The following SLC24A3 variants were observed in gnomAD, a reference collection of about 807,000 sequenced individuals.
SLC24A3 encodes solute carrier family 24 member 3.
SLC24A3 carries 28 observed loss-of-function variants against 75.8 expected under a neutral mutation model. The ratio of observed to expected loss-of-function variants is 0.37; its 90% CI spans 0.27 to 0.51. SLC24A3 has a LOEUF of 0.51. Among genes scored for constraint, SLC24A3 ranks in the 20% least tolerant of loss-of-function variants. The pLI is 0.94. For missense variants in SLC24A3, 663 were observed against 847.8 expected (o/e 0.78, Z 2.71); for synonymous variants, 372 against 334.1 (o/e 1.11, Z -1.24).
chr20:19,378,983 C>A (rs1265165659), intron 2 of SLC24A3, among the ~76,000 whole-genome samples: 1 of 151,240 alleles, frequency 6.6e-6, no homozygotes, highest in Non-Finnish European at 1.5e-5. Flanking sequence ...TTTAAAAAGT[C>A]AAGGGAATGT....
intron 3 of SLC24A3, among the ~76,000 whole-genome samples, chr20:19,534,663 C>T (rs971761639): frequency 1.3e-5 from 2 of 152,124 alleles, no homozygotes; most frequent in African/African-American, 2.4e-5. Flanking sequence ...CACCTGCCTC[C>T]CAAAGTACTG....
At position 19,673,512 on chromosome 20, in the gene SLC24A3, C is replaced by T. The variant is rs1367825081; in HGVS notation, c.714-89C>T. The T allele has an allele frequency of 1.5e-5, 17 of 1,123,628 alleles. 1 individual carries two copies. Among genetic ancestry groups the T allele is most frequent in the South Asian group, 1.1e-4 (9 of 79,778 alleles). The allele number at this position is 1,123,628 out of a possible 1,614,324, so 69.6% of individuals were successfully genotyped here. ...TCTGCCTTCTCCTTACTATCCTGGC[C>T]GTTTGCATCAAATATGTCTTTAAAA... is the stretch of plus-strand genomic sequence containing the variant. On this transcript the variant is annotated intron_variant, in intron 8 of 16. Coordinates refer to ENST00000328041, the MANE Select transcript of SLC24A3 (RefSeq NM_020689.4).
chr20:19,223,322 A>G (rs1981782864), intron 1 of SLC24A3, among the ~76,000 whole-genome samples: 1 of 152,198 alleles, frequency 6.6e-6, no homozygotes, highest in Admixed American at 6.5e-5. Flanking sequence ...GAAGTAATAC[A>G]GAGACATCTC....
chr20:19,441,917 A>G (rs1987305490), intron 2 of SLC24A3, among the ~76,000 whole-genome samples: 1 of 152,044 alleles, frequency 6.6e-6, no homozygotes, highest in South Asian at 2.1e-4. Context: ...TTTTTATGTG[A>G]CATTTCTTCC....
intron 1 of SLC24A3, among the ~76,000 whole-genome samples, chr20:19,224,157 GAGTTACACAC>G (rs1981813202): frequency 6.6e-6 from 1 of 151,374 alleles, no homozygotes; most frequent in Non-Finnish European, 1.5e-5. Flanking sequence ...TGAGAGTATT[GAGTTACACAC>G]AGTTTTATCA....
At chr20:19,465,989 T>C (rs1230042757) in intron 2 of SLC24A3, among the ~76,000 whole-genome samples, 1 of 152,226 alleles carries the variant, frequency 6.6e-6, no homozygotes, top group Non-Finnish European at 1.5e-5. Context: ...TAGGTAGTCA[T>C]TCTCCTTGTC....
Position 19,219,068 on chromosome 20 carries a change from G to A in SLC24A3, c.142+6084G>A, listed in dbSNP as rs1460289245. On this transcript the variant is annotated intron_variant, in intron 1 of 16. Coordinates refer to ENST00000328041, the MANE Select transcript of SLC24A3 (RefSeq NM_020689.4). ...TATTGTTTGCAATGGTTTCACAAAT[G>A]GGATTATCCTGTAGCATTTGAGAAT... is the stretch of plus-strand genomic sequence containing the variant. Among the ~76,000 whole-genome samples the A allele has an allele frequency of 1.1e-3, 168 of 152,176 alleles. 1 individual carries two copies. The highest frequency in any genetic ancestry group is 1.0e-4 in the Non-Finnish European group (7 of 68,006).
chr20:19,481,980 G>T (rs116861481), intron 2 of SLC24A3, among the ~76,000 whole-genome samples: 1 of 152,014 alleles, frequency 6.6e-6, no homozygotes, highest in African/African-American at 2.4e-5. Flanking sequence ...CTTCCTCCCG[G>T]GTTCCCACCC....
intron 6 of SLC24A3, among the ~76,000 whole-genome samples, chr20:19,631,816 GTGTGTGTA>G (rs1406789976): frequency 2.6e-5 from 4 of 151,848 alleles, no homozygotes; most frequent in South Asian, 2.1e-4. Context: ...GTGTGTGTGT[GTGTGTGTA>G]TGTAACCACA....
At chr20:19,529,706 A>G (rs571554213) in intron 3 of SLC24A3, among the ~76,000 whole-genome samples, 10 of 152,284 alleles carry the variant, frequency 6.6e-5, no homozygotes, top group Middle Eastern at 6.8e-3. Context: ...CCTGTTTGAC[A>G]GATAATCCAG....
chr20:19,523,454 AAG>A (rs1191800117), intron 3 of SLC24A3, among the ~76,000 whole-genome samples: 1 of 152,250 alleles, frequency 6.6e-6, no homozygotes, highest in Non-Finnish European at 1.5e-5. Context: ...GATTAGCACA[AAG>A]AGAGTAAATT....
intron 14 of SLC24A3, among the ~76,000 whole-genome samples, 185 bp downstream of exon 14, chr20:19,697,096 C>T (rs764647132): frequency 1.3e-5 from 2 of 151,858 alleles, no homozygotes; most frequent in Non-Finnish European, 2.9e-5. Context: ...GGCGGGCAGG[C>T]GGGCCTCTCT....
intron 2 of SLC24A3, among the ~76,000 whole-genome samples, chr20:19,381,663 G>A (rs1348320076): frequency 5.3e-5 from 8 of 152,102 alleles, no homozygotes; most frequent in South Asian, 2.1e-4. Flanking sequence ...AGTAGCATCC[G>A]CTTTCAATTT....
intron 2 of SLC24A3, among the ~76,000 whole-genome samples, chr20:19,471,303 A>G (rs905822369): frequency 4.6e-5 from 7 of 152,188 alleles, no homozygotes; most frequent in Non-Finnish European, 1.0e-4. Context: ...TGGTCAGTCC[A>G]TGAATATGGT....
At chr20:19,577,269 A>G (rs575529817) in intron 3 of SLC24A3, among the ~76,000 whole-genome samples, 99 of 152,152 alleles carry the variant, frequency 6.5e-4, no homozygotes, top group African/African-American at 2.2e-3. Flanking sequence ...GTTAGCCAGG[A>G]TGGTCTCAAT....
chr20:19,658,879 A>C (rs931589902), intron 7 of SLC24A3, among the ~76,000 whole-genome samples: 1 of 152,194 alleles, frequency 6.6e-6, no homozygotes, highest in African/African-American at 2.4e-5. Flanking sequence ...AACTCTGGGT[A>C]TCTCCGGCCT....
intron 2 of SLC24A3, among the ~76,000 whole-genome samples, chr20:19,315,299 G>A (rs1337585258): frequency 1.3e-5 from 2 of 152,174 alleles, no homozygotes; most frequent in African/African-American, 4.8e-5. Context: ...CCTGGCAGTG[G>A]CCCCAGGGTA....
chr20:19,254,457 G>A (rs999917358), intron 1 of SLC24A3, among the ~76,000 whole-genome samples: 4 of 152,214 alleles, frequency 2.6e-5, no homozygotes, highest in African/African-American at 4.8e-5. Flanking sequence ...GGGTAGGCAC[G>A]TTTTGGGGAC....
intron 2 of SLC24A3, among the ~76,000 whole-genome samples, chr20:19,337,316 T>C (rs964121999): frequency 1.3e-5 from 2 of 152,082 alleles, no homozygotes; most frequent in African/African-American, 4.8e-5. Flanking sequence ...TGGTGGCACA[T>C]GTCTGTAATC....
Sources: gnomAD v4.1 joint callset for allele counts (sites outside exome capture counted in the v4.1 genomes callset) on GRCh38, gnomAD v4.1.1 for gene constraint, MANE v1.5 for transcripts, NCBI Gene and HGNC (gene_info 2026-07-23, HGNC 2026-07-21) for gene names.